The following DOK7 variants were observed in gnomAD, a reference collection of about 807,000 sequenced individuals.
DOK7 encodes the protein protein Dok-7.
DOK7 carries 32 observed loss-of-function variants against 30.7 expected under a neutral mutation model. That is an observed-to-expected ratio of 1.04 (90% CI 0.79 to 1.40). DOK7 has a LOEUF of 1.40. Ranked by LOEUF, DOK7 falls within the 40% of genes most tolerant of loss-of-function variation. The pLI is 0.00. For synonymous variants in DOK7, 447 were observed against 324.1 expected (o/e 1.38, Z -4.07); for missense variants, 1,007 against 699.2 (o/e 1.44, Z -4.97).
At chr4:3,489,942 CCCAACTCCCCGCCCCGCCCG>C in intron 6 of DOK7, 146 bp downstream of exon 6, 1 of 1,301,948 alleles carries the variant, frequency 7.7e-7, no homozygotes. Context: ...TCATTCTTCC[CCCAACTCCCCGCCCCGCCCG>C]CTACTCATTC....
At chr4:3,468,826 AGT>A (rs770022480) in intron 2 of DOK7, among the ~76,000 whole-genome samples, 33 of 110,410 alleles carry the variant, frequency 3.0e-4, no homozygotes, top group African/African-American at 6.2e-4. Context: ...GTATGCATGG[AGT>A]GTGTGTGTGC....
intron 4 of DOK7, among the ~76,000 whole-genome samples, chr4:3,478,696 C>T (rs762984710): frequency 3.6e-5 from 5 of 139,678 alleles, no homozygotes; most frequent in South Asian, 2.4e-4. Flanking sequence ...ATTCGGTCAC[C>T]GACGGCTGCA....
downstream of DOK7, among the ~76,000 whole-genome samples, chr4:3,494,866 C>T (rs978308692): frequency 4.6e-5 from 7 of 152,192 alleles, no homozygotes; most frequent in Non-Finnish European, 8.8e-5. Context: ...TACATGGGGC[C>T]GAGTTCCAGG....
At chr4:3,486,399 G>A (rs1470049564) in intron 5 of DOK7, among the ~76,000 whole-genome samples, 1 of 152,262 alleles carries the variant, frequency 6.6e-6, no homozygotes, top group Non-Finnish European at 1.5e-5. Flanking sequence ...CAAGGCCTAG[G>A]CCATGTGGCG....
At position 3,463,580 on chromosome 4, in the gene DOK7, C is replaced by T. The variant is rs947341116; in HGVS notation, c.100+29C>T. On this transcript the variant is annotated intron_variant, in intron 2 of 6. Coordinates refer to ENST00000340083, the MANE Select transcript of DOK7 (RefSeq NM_173660.5). ...AGCGGGGCGGGCGGGGGACGGGGGG[C>T]GCGGGGGTAGCGACACGGGTTACCG... The T allele has an allele frequency of 4.1e-6, 6 of 1,455,348 alleles. No homozygotes were observed. The African/African-American group carries it at 4.3e-5, about 11-fold the overall frequency. The allele number at this position is 1,455,348 out of a possible 1,614,324, so 90.2% of individuals were successfully genotyped here.
chr4:3,493,262 C>G lies in DOK7; in HGVS notation c.1276C>G (p.Pro426Ala). Reference protein sequence around the residue: ...RDHSPPSQGSPGNSAARDSGG... With the variant: ...RDHSPPSQGSAGNSAARDSGG... ...CCACAGCCCCCCCTCACAGGGCAGC[C>G]CCGGCAACAGTGCGGCCAGGGACTC... Residue 426 changes from proline (P) to alanine (A), a missense_variant, in exon 7 of 7, where the codon CCC becomes GCC. By Grantham distance (27) the Pro-to-Ala change is conservative (BLOSUM62 -1). Coordinates refer to ENST00000340083, the MANE Select transcript of DOK7 (RefSeq NM_173660.5). 1 of 1,611,700 alleles carries G rather than the reference C, an allele frequency of 6.2e-7. No homozygotes were observed. The highest frequency in any genetic ancestry group is 8.5e-7 in the Non-Finnish European group (1 of 1,179,552).
chr4:3,478,649 G>T (rs944606070), intron 4 of DOK7, among the ~76,000 whole-genome samples: 1 of 98,120 alleles, frequency 1.0e-5, no homozygotes, highest in Admixed American at 1.1e-4. Flanking sequence ...TCTCGTCCCC[G>T]GTGGTACCCT....
In DOK7 at chr4:3,476,329, C is replaced by T. The variant is rs778628534; in HGVS notation, c.332-13C>T. ...GCCCGCCCGTGATGCCCTCTTGCCC[C>T]GCCTGCCCGCAGTGCATAGGTTCCA... On this transcript the variant is annotated splice_polypyrimidine_tract_variant and intron_variant, in intron 3 of 6. Transcript: ENST00000340083. 170 of 1,602,274 alleles carry T rather than the reference C, an allele frequency of 1.1e-4. 14 individuals are homozygous for T. Among genetic ancestry groups the T allele is most frequent in the Admixed American group, 1.9e-4 (11 of 59,410 alleles).
At chr4:3,470,402 G>A (rs190704264) in intron 2 of DOK7, among the ~76,000 whole-genome samples, 3 of 152,362 alleles carry the variant, frequency 2.0e-5, no homozygotes, top group Admixed American at 6.5e-5. Flanking sequence ...AGTGCTCCTG[G>A]ATTTTCAGGC....
At chr4:3,481,836 T>G (rs996140847) in intron 4 of DOK7, among the ~76,000 whole-genome samples, 2 of 152,212 alleles carry the variant, frequency 1.3e-5, no homozygotes, top group African/African-American at 4.8e-5. Flanking sequence ...GAGCATTTTC[T>G]TTCTCAAGCC....
intron 5 of DOK7, among the ~76,000 whole-genome samples, chr4:3,488,694 G>A (rs973738682): frequency 2.6e-5 from 4 of 152,228 alleles, no homozygotes; most frequent in Non-Finnish European, 1.5e-5. Flanking sequence ...CAGTCCTGCA[G>A]GTGCCCCCAA....
At position 3,490,110 on chromosome 4, in the gene DOK7, CCATTCATTCCTTTTCTCCCTG is replaced by C. The variant is rs1728134663; in HGVS notation, c.772+316_772+336del. ...CCCTCATTCATTCCTTTCTTCACCC[CCATTCATTCCTTTTCTCCCTG>C]CTCATTCATTCCTTCCTTCCCCACC... On this transcript the variant is annotated intron_variant, in intron 6 of 6. Transcript: ENST00000340083. Among the ~76,000 whole-genome samples the C allele has an allele frequency of 5.8e-3, 305 of 52,542 alleles. 2 individuals are homozygous for C. Among genetic ancestry groups the C allele is most frequent in the East Asian group, 0.024 (20 of 830 alleles). 34.5% of individuals were successfully genotyped at this position (52,542 alleles called of 152,430 possible). A position where few individuals can be genotyped will look rare whatever the true frequency, so the allele number is the denominator to read the frequency against.
intron 6 of DOK7, among the ~76,000 whole-genome samples, chr4:3,490,496 T>C (rs1728252243): frequency 8.0e-6 from 1 of 125,026 alleles, no homozygotes; most frequent in Admixed American, 7.9e-5. Flanking sequence ...ATTCCTTCCT[T>C]TTCCCCCTGC....
intron 2 of DOK7, among the ~76,000 whole-genome samples, chr4:3,469,869 G>A (rs1726654782): frequency 2.0e-5 from 3 of 152,226 alleles, no homozygotes. Context: ...GTGGGCGTCA[G>A]CTGCCGGAGA....
chr4:3,479,662 G>A (rs1727321891), intron 4 of DOK7, among the ~76,000 whole-genome samples: 1 of 152,216 alleles, frequency 6.6e-6, no homozygotes, highest in Admixed American at 6.5e-5. Flanking sequence ...CGATGGCTGC[G>A]CCTCACTCAT....
chr4:3,495,257 C>T (rs1315764779), downstream of DOK7, among the ~76,000 whole-genome samples: 3 of 152,248 alleles, frequency 2.0e-5, no homozygotes, highest in Admixed American at 1.3e-4. Context: ...GAGGTGGCCG[C>T]GCCAGTCTTG....
rs1312838918 is a variant in DOK7, at chr4:3,490,904, T to C, written c.772+1108T>C. 6.0e-5 allele frequency among the ~76,000 whole-genome samples: 7 copies of C among 116,832 alleles called. 1 individual carries two copies. The highest frequency in any genetic ancestry group is 2.1e-4 in the African/African-American group (6 of 28,954). The allele number at this position is 116,832 out of a possible 152,430, so 76.6% of individuals were successfully genotyped here. A position where few individuals can be genotyped will look rare whatever the true frequency, so the allele number is the denominator to read the frequency against. On this transcript the variant is annotated intron_variant, in intron 6 of 6. Coordinates refer to ENST00000340083, the MANE Select transcript of DOK7 (RefSeq NM_173660.5). ...CTCCTGCTCATTAATTTCTTCCTTCTCTCCTCTGCTCATTCATTCCTTCCT... is the reference window on the plus strand; with the variant it reads ...CTCCTGCTCATTAATTTCTTCCTTCCCTCCTCTGCTCATTCATTCCTTCCT...
At chr4:3,488,491 G>T (rs1337798816) in intron 5 of DOK7, among the ~76,000 whole-genome samples, 1 of 152,248 alleles carries the variant, frequency 6.6e-6, no homozygotes, top group Admixed American at 6.5e-5. Context: ...CCGGAGCGCT[G>T]ACCATGGGGT....
intron 2 of DOK7, among the ~76,000 whole-genome samples, chr4:3,472,599 G>T (rs1726822529): frequency 2.0e-5 from 3 of 152,232 alleles, no homozygotes; most frequent in Admixed American, 6.5e-5. Context: ...GTGTCCCCGG[G>T]CCAGGTGGTT....
Sources: allele counts gnomAD v4.1 joint callset (sites outside exome capture counted in the v4.1 genomes callset), GRCh38; gene constraint gnomAD v4.1.1; transcripts MANE v1.5; gene names NCBI Gene and HGNC (gene_info 2026-07-23, HGNC 2026-07-21).